Variants in VPS18 observed in about 807,000 individuals in gnomAD.
VPS18 encodes vacuolar protein sorting-associated protein 18 homolog.
A neutral mutation model predicts 82.0 loss-of-function variants in VPS18; 25 were observed. The ratio of observed to expected loss-of-function variants is 0.30; its 90% CI spans 0.22 to 0.43. VPS18 has a LOEUF of 0.43. Ranked by LOEUF, VPS18 falls within the 20% of genes least tolerant of loss-of-function variation. The pLI, the probability that VPS18 is intolerant of heterozygous loss-of-function variation, is 1.00. For missense variants in VPS18, 1,168 were observed against 1,311.1 expected (o/e 0.89, Z 1.69); for synonymous variants, 523 against 543.0 (o/e 0.96, Z 0.51).
chr15:40,900,948 C>A lies in VPS18; in HGVS notation c.2130C>A (p.His710Gln). 6.2e-7 allele frequency: 1 copy of A among 1,612,414 alleles called. No individual in the cohort carries two copies. Among genetic ancestry groups the A allele is most frequent in the Non-Finnish European group, 8.5e-7 (1 of 1,180,028 alleles). Residue 710 changes from histidine to glutamine, a missense_variant, in exon 4 of 5, where the codon CAC becomes CAA. Coordinates refer to ENST00000220509, the MANE Select transcript of VPS18 (RefSeq NM_020857.3). The surrounding 1 kb of genome is among the most constrained non-coding windows in gnomAD (Gnocchi z 5.4). ...GGCTCTGCGCCGAGCATGGCCACCACCGCGCTTGTGTCCATGTCTACAAGG... is the reference window on the plus strand; with the variant it reads ...GGCTCTGCGCCGAGCATGGCCACCAACGCGCTTGTGTCCATGTCTACAAGG... ...ALRLCAEHGHHRACVHVYKVL... is the reference protein window; with the variant it reads ...ALRLCAEHGHQRACVHVYKVL...
In VPS18 at chr15:40,903,571, C is replaced by T; in HGVS notation, c.*230C>T. The T allele has an allele frequency of 1.9e-6, 1 of 520,678 alleles. No homozygotes were observed. Among genetic ancestry groups the T allele is most frequent in the Admixed American group, 3.9e-5 (1 of 25,682 alleles). 32.3% of individuals were successfully genotyped at this position (520,678 alleles called of 1,614,324 possible). On this transcript the variant is annotated 3_prime_UTR_variant, in exon 5 of 5. Transcript: ENST00000220509. ...GTTATGCCAGACCATCAGCCTGCCTCCCAGTAGAGGCCCTTCACCTGGAGA... is the reference window on the plus strand; with the variant it reads ...GTTATGCCAGACCATCAGCCTGCCTTCCAGTAGAGGCCCTTCACCTGGAGA...
chr15:40,901,777 G>C (rs1303374320), intron 4 of VPS18, among the ~76,000 whole-genome samples: 1 of 149,184 alleles, frequency 6.7e-6, no homozygotes, highest in Non-Finnish European at 1.5e-5. Context: ...GTGGTGGCAC[G>C]CACCTGTAAT....
Position 40,899,616 on chromosome 15 carries a change from C to G in VPS18, c.798C>G (p.Gly266=). The G allele has an allele frequency of 6.2e-7, 1 of 1,611,102 alleles. No individual in the cohort carries two copies. The highest frequency in any genetic ancestry group is 8.5e-7 in the Non-Finnish European group (1 of 1,180,028). The change falls in exon 4 of 5, where the codon GGC becomes GGG. Residue 266 remains glycine, a synonymous_variant. Transcript: ENST00000220509. This position sits in a 1 kb window ranked among gnomAD's most constrained non-coding sequence, Gnocchi z 4.4. ...PPFREFPSNL[G]YSELAFYTPK... ...TCCGTGAGTTTCCCAGCAACCTGGG[C>G]TACAGTGAGTTGGCCTTCTACACCC...
In VPS18 at chr15:40,899,578, C is replaced by T. The variant is rs770451514; in HGVS notation, c.760C>T (p.His254Tyr). ...AGGGCTCTTTGCAGCTTACACGGACCACCCACCCCCATTCCGTGAGTTTCC... is the reference window on the plus strand; with the variant it reads ...AGGGCTCTTTGCAGCTTACACGGACTACCCACCCCCATTCCGTGAGTTTCC... ...FSGLFAAYTD[H>Y]PPPFREFPSN... The change falls in exon 4 of 5, where the codon CAC (histidine) becomes TAC (tyrosine). Residue 254 changes from histidine (H) to tyrosine (Y), a missense_variant. His to Tyr is a moderately conservative substitution (Grantham distance 83). Coordinates refer to ENST00000220509, the MANE Select transcript of VPS18 (RefSeq NM_020857.3). This position sits in a 1 kb window ranked among gnomAD's most constrained non-coding sequence, Gnocchi z 4.4. 15 of 1,608,188 alleles carry T rather than the reference C, an allele frequency of 9.3e-6. No individual in the cohort carries two copies. Among genetic ancestry groups the T allele is most frequent in the South Asian group, 1.1e-5 (1 of 91,094 alleles).
chr15:40,901,299 G>T (rs1892353303), intron 4 of VPS18, among the ~76,000 whole-genome samples: 1 of 152,236 alleles, frequency 6.6e-6, no homozygotes, highest in South Asian at 2.1e-4. Context: ...AAAGTTCTGT[G>T]TATGAAAAGT....
Position 40,902,700 on chromosome 15 carries a change from C to A in VPS18, c.2281C>A (p.Arg761=). ...CAAGAAGCTGTGGCTGAAGATCGCACGGCACGTGGTGCAGGAAGAGGAAGA... is the reference window on the plus strand; with the variant it reads ...CAAGAAGCTGTGGCTGAAGATCGCAAGGCACGTGGTGCAGGAAGAGGAAGA... ...LRKKLWLKIA[R]HVVQEEEDVQ... The change falls in exon 5 of 5, where the codon CGG becomes AGG. Residue 761 remains arginine, a synonymous_variant. Coordinates refer to ENST00000220509, the MANE Select transcript of VPS18 (RefSeq NM_020857.3). This position sits in a 1 kb window ranked among gnomAD's most constrained non-coding sequence, Gnocchi z 4.2. 6.2e-7 allele frequency: 1 copy of A among 1,614,268 alleles called. No individual in the cohort carries two copies. The highest frequency in any genetic ancestry group is 8.5e-7 in the Non-Finnish European group (1 of 1,180,052).
chr15:40,895,797 T>A, intron 1 of VPS18, 141 bp from the exon 2 acceptor site: 1 of 1,165,900 alleles, frequency 8.6e-7, no homozygotes, highest in Non-Finnish European at 1.2e-6. Flanking sequence ...CGACTTGATA[T>A]CAAACTATTT....
In VPS18 at chr15:40,900,725, G is replaced by T. The variant is rs773382933; in HGVS notation, c.1907G>T (p.Gly636Val). 2 of 1,614,076 alleles carry T rather than the reference G, an allele frequency of 1.2e-6. No homozygotes were observed. The highest frequency in any genetic ancestry group is 2.7e-5 in the African/African-American group (2 of 74,924). The change falls in exon 4 of 5, where the codon GGT (glycine) becomes GTT (valine). Residue 636 changes from glycine to valine, a missense_variant. Coordinates refer to ENST00000220509, the MANE Select transcript of VPS18 (RefSeq NM_020857.3). The surrounding 1 kb of genome is among the most constrained non-coding windows in gnomAD (Gnocchi z 5.4). ...LIPALVNYSQGGEVQQVSQAI... is the reference protein window; with the variant it reads ...LIPALVNYSQVGEVQQVSQAI... ...CCTGCCCTGGTGAACTACAGCCAGGGTGGTGAGGTCCAGCAGGTGAGCCAG... is the reference window on the plus strand; with the variant it reads ...CCTGCCCTGGTGAACTACAGCCAGGTTGGTGAGGTCCAGCAGGTGAGCCAG...
intron 2 of VPS18, among the ~76,000 whole-genome samples, chr15:40,897,211 C>T (rs1010736862): frequency 9.2e-5 from 14 of 151,768 alleles, no homozygotes; most frequent in Admixed American, 6.6e-4. Flanking sequence ...AGGAGAATGG[C>T]TTGAACCCGG....
chr15:40,901,861 G>A (rs757299123), intron 4 of VPS18, among the ~76,000 whole-genome samples: 39 of 151,972 alleles, frequency 2.6e-4, no homozygotes, highest in African/African-American at 5.3e-4. Context: ...AACCAAAATC[G>A]CACCACTGCA....
chr15:40,900,894 G>A lies in VPS18; in HGVS notation c.2076G>A (p.Arg692=). The part of the protein sequence containing the change: ...YLEQAGASPH[R]VHYDLKYALR... ...AGCAGGCTGGGGCCAGCCCCCACCGGGTGCATTACGACCTCAAGTATGCGC... is the reference window on the plus strand; with the variant it reads ...AGCAGGCTGGGGCCAGCCCCCACCGAGTGCATTACGACCTCAAGTATGCGC... Residue 692 remains arginine (R), a synonymous_variant, in exon 4 of 5, where the codon CGG becomes CGA. Transcript: ENST00000220509. This position sits in a 1 kb window ranked among gnomAD's most constrained non-coding sequence, Gnocchi z 5.4. The A allele has an allele frequency of 6.2e-7, 1 of 1,614,024 alleles. No individual in the cohort carries two copies. The highest frequency in any genetic ancestry group is 1.3e-5 in the African/African-American group (1 of 75,056).
chr15:40,898,478 T>C (rs558867895), intron 2 of VPS18, among the ~76,000 whole-genome samples: 2 of 151,644 alleles, frequency 1.3e-5, no homozygotes, highest in Non-Finnish European at 3.0e-5. Flanking sequence ...AATTTCTTTT[T>C]TTTTTTTTTT....
Position 40,900,626 on chromosome 15 carries a change from T to G in VPS18, c.1808T>G (p.Ile603Ser). Residue 603 changes from isoleucine (I) to serine (S), a missense_variant, in exon 4 of 5, where the codon ATC (isoleucine) becomes AGC (serine). Physicochemically the swap from Ile to Ser is moderately radical, Grantham distance 142. Coordinates refer to ENST00000220509, the MANE Select transcript of VPS18 (RefSeq NM_020857.3). The surrounding 1 kb of genome is among the most constrained non-coding windows in gnomAD (Gnocchi z 5.4). ...TTCTACAAGTTCTCACCCATCCTCA[T>G]CCGTCACATCCCCCGCCAGCTTGTA... ...QLFYKFSPIL[I>S]RHIPRQLVDA... is the part of the protein sequence containing the mutation. 6.2e-7 allele frequency: 1 copy of G among 1,614,034 alleles called. No homozygotes were observed. The highest frequency in any genetic ancestry group is 2.2e-5 in the East Asian group (1 of 44,866).
At chr15:40,896,193 T>G in intron 2 of VPS18, 114 bp downstream of exon 2, 1 of 1,430,622 alleles carries the variant, frequency 7.0e-7, no homozygotes, top group Non-Finnish European at 9.5e-7. Flanking sequence ...TTTGGAGTTT[T>G]CAGGAAATAT....
At position 40,900,335 on chromosome 15, in the gene VPS18, T is replaced by C. The variant is rs1436277007; in HGVS notation, c.1517T>C (p.Leu506Pro). The change falls in exon 4 of 5, where the codon CTG (leucine) becomes CCG (proline). Residue 506 changes from leucine to proline, a missense_variant. Transcript: ENST00000220509. The surrounding 1 kb of genome is among the most constrained non-coding windows in gnomAD (Gnocchi z 5.4). ...TELYLSRLGA[L>P]QGDPEALTLY... ...CTCTACCTGAGCCGGCTTGGGGCTC[T>C]GCAGGGCGACCCAGAGGCCCTGACT... 3.1e-6 allele frequency: 5 copies of C among 1,613,552 alleles called. No individual in the cohort carries two copies. The Admixed American group carries it at 6.7e-5, about 22-fold the overall frequency.
At position 40,902,527 on chromosome 15, in the gene VPS18, CG is replaced by C; in HGVS notation, c.2197-85del. On this transcript the variant is annotated intron_variant, in intron 4 of 4. Transcript: ENST00000220509. This position sits in a 1 kb window ranked among gnomAD's most constrained non-coding sequence, Gnocchi z 4.2. ...TCCAGGAGTGCTGGGAATCCTGCCTCGGGGCCTCTCCTCGGCCATCTCTCTC... is the reference window on the plus strand; with the variant it reads ...TCCAGGAGTGCTGGGAATCCTGCCTCGGGCCTCTCCTCGGCCATCTCTCTC... 6.7e-7 allele frequency: 1 copy of C among 1,495,068 alleles called. No individual in the cohort carries two copies. Among genetic ancestry groups the C allele is most frequent in the Non-Finnish European group, 8.9e-7 (1 of 1,122,252 alleles). The allele number at this position is 1,495,068 out of a possible 1,614,324, so 92.6% of individuals were successfully genotyped here. A position where few individuals can be genotyped will look rare whatever the true frequency, so the allele number is the denominator to read the frequency against.
rs372277845 is a variant in VPS18, at chr15:40,900,131, G to A, written c.1313G>A (p.Arg438His). Residue 438 changes from arginine to histidine, a missense_variant, in exon 4 of 5, where the codon CGC becomes CAC. Physicochemically the swap from Arg to His is conservative, Grantham distance 29. Coordinates refer to ENST00000220509, the MANE Select transcript of VPS18 (RefSeq NM_020857.3). This position sits in a 1 kb window ranked among gnomAD's most constrained non-coding sequence, Gnocchi z 5.4. Reference protein sequence around the residue: ...READFCFRQRRYLESARCYAL... With the variant: ...READFCFRQRHYLESARCYAL... ...GCCGATTTCTGCTTTCGCCAGCGTC[G>A]CTACCTGGAGAGCGCACGCTGCTAT... 1.6e-5 allele frequency: 26 copies of A among 1,613,620 alleles called. 1 individual carries two copies. Among genetic ancestry groups the A allele is most frequent in the Admixed American group, 8.3e-5 (5 of 60,002 alleles).
At chr15:40,896,209 C>T (rs1222973703) in intron 2 of VPS18, 130 bp downstream of exon 2, 6 of 1,342,162 alleles carry the variant, frequency 4.5e-6, no homozygotes, top group Non-Finnish European at 6.1e-6. Flanking sequence ...AATATCCTAT[C>T]CCTTTCCAAA....
rs761613584 is a variant in VPS18 at position 40,896,029 on chromosome 15, C to T, written c.183C>T (p.Val61=). The change falls in exon 2 of 5, where the codon GTC becomes GTT. Residue 61 remains valine (V), a synonymous_variant. Transcript: ENST00000220509. ...CTTCCGAGCGCATTACCAGTCTTGT[C>T]GTCTCCAGCAATCAGCTGTGCATGA... ...FTPSERITSL[V]VSSNQLCMSL... 8.7e-6 allele frequency: 14 copies of T among 1,614,112 alleles called. No individual in the cohort carries two copies. Among genetic ancestry groups the T allele is most frequent in the East Asian group, 4.5e-5 (2 of 44,896 alleles).
Sources: gnomAD v4.1 joint callset for allele counts (sites outside exome capture counted in the v4.1 genomes callset) on GRCh38, gnomAD v4.1.1 for gene constraint, Gnocchi (gnomAD v3.1) non-coding constraint, MANE v1.5 for transcripts, NCBI Gene and HGNC (gene_info 2026-07-23, HGNC 2026-07-21) for gene names.